The following NEDD1 variants were observed in gnomAD, a reference collection of about 807,000 sequenced individuals.
NEDD1 encodes protein NEDD1.
In NEDD1, 33 loss-of-function variants were observed where a neutral mutation model predicts 74.0. The observed-to-expected ratio is 0.45, with a 90% CI of 0.34 to 0.60. The LOEUF (loss-of-function observed/expected upper bound fraction) is 0.60, where lower values mean the gene tolerates loss of function less well. Among genes scored for constraint, NEDD1 ranks in the 20% least tolerant of loss-of-function variants. The pLI is 0.01. For synonymous variants in NEDD1, 250 were observed against 264.4 expected (o/e 0.95, Z 0.53); for missense variants, 746 against 776.5 (o/e 0.96, Z 0.47).
intron 6 of NEDD1, among the ~76,000 whole-genome samples, chr12:96,930,482 T>G (rs532031765): frequency 1.3e-5 from 2 of 152,230 alleles, no homozygotes; most frequent in Non-Finnish European, 2.9e-5. Context: ...AGGACCAAAT[T>G]GTGACAACAT....
At chr12:96,916,154 G>A (rs1286214262) in intron 4 of NEDD1, among the ~76,000 whole-genome samples, 2 of 151,708 alleles carry the variant, frequency 1.3e-5, no homozygotes, top group Non-Finnish European at 2.9e-5. Context: ...GATGAGGTAG[G>A]GCCCAAATAA....
At chr12:96,931,845 A>T (rs1209770442) in intron 6 of NEDD1, among the ~76,000 whole-genome samples, 1 of 152,084 alleles carries the variant, frequency 6.6e-6, no homozygotes, top group Non-Finnish European at 1.5e-5. Context: ...CCCCCTCAAA[A>T]TGTCAACCAC....
chr12:96,951,297 C>T (rs769877821), intron 14 of NEDD1, 135 bp from the exon 15 acceptor site: 24 of 506,330 alleles, frequency 4.7e-5, no homozygotes, highest in Non-Finnish European at 8.5e-5. Flanking sequence ...ATGCTCAGTG[C>T]ATTGGTATTT....
chr12:96,934,776 G>A (rs1006320803), intron 6 of NEDD1, among the ~76,000 whole-genome samples, 200 bp from the exon 7 acceptor site: 9 of 152,064 alleles, frequency 5.9e-5, no homozygotes, highest in African/African-American at 1.7e-4. Context: ...GACCTCAGAT[G>A]ATCCACCTGC....
chr12:96,930,205 ACACACACTCTCT>A (rs1280708267), intron 6 of NEDD1, among the ~76,000 whole-genome samples: 39 of 76,498 alleles, frequency 5.1e-4, no homozygotes, highest in African/African-American at 1.9e-3. Context: ...ACACACACAC[ACACACACTCTCT>A]CTCTCTCTCT....
chr12:96,947,705 G>A (rs1878330965), intron 14 of NEDD1, among the ~76,000 whole-genome samples: 1 of 152,198 alleles, frequency 6.6e-6, no homozygotes, highest in African/African-American at 2.4e-5. Flanking sequence ...TTTCTGCCCT[G>A]CTGCCAGCTT....
intron 4 of NEDD1, among the ~76,000 whole-genome samples, chr12:96,916,372 A>G (rs1174808118): frequency 7.0e-6 from 1 of 142,222 alleles, no homozygotes; most frequent in Non-Finnish European, 1.5e-5. Context: ...GTCATCTAGC[A>G]TTAGGTATAT....
At chr12:96,929,533 G>T (rs953586916) in intron 6 of NEDD1, among the ~76,000 whole-genome samples, 2 of 145,642 alleles carry the variant, frequency 1.4e-5, no homozygotes, top group Admixed American at 1.4e-4. Flanking sequence ...TAACTTCACA[G>T]AGCTCCCTAT....
chr12:96,949,159 C>G (rs1426316535), intron 14 of NEDD1, among the ~76,000 whole-genome samples: 1 of 152,174 alleles, frequency 6.6e-6, no homozygotes, highest in Non-Finnish European at 1.5e-5. Context: ...AGCACATACT[C>G]TAGAAGGAAA....
intron 13 of NEDD1, among the ~76,000 whole-genome samples, chr12:96,945,041 T>G (rs917820969): frequency 6.6e-6 from 1 of 151,824 alleles, no homozygotes. Context: ...GTGTCTTTAA[T>G]ATGGTAGAGA....
rs1437752713 is a variant in NEDD1, at chr12:96,953,698, ATGAAAT to A, written c.*1653_*1658del. On this transcript the variant is annotated 3_prime_UTR_variant, in exon 16 of 16. Coordinates refer to ENST00000266742, the MANE Select transcript of NEDD1 (RefSeq NM_152905.4). The stretch of plus-strand genomic sequence containing the variant: ...ATGTTATATGCAAAAAATAGGAAAC[ATGAAAT>A]TGAAATTTCATTGTTGGCCAAAATG... 1.3e-5 allele frequency: 2 copies of A among 151,938 alleles called. No homozygotes were observed. The highest frequency in any genetic ancestry group is 2.9e-5 in the Non-Finnish European group (2 of 67,836). The allele number at this position is 151,938 out of a possible 1,614,324, so 9.4% of individuals were successfully genotyped here.
intron 6 of NEDD1, among the ~76,000 whole-genome samples, chr12:96,929,516 G>A (rs1592895072): frequency 7.4e-6 from 1 of 134,618 alleles, no homozygotes; most frequent in Non-Finnish European, 1.6e-5. Flanking sequence ...GGTCAAAGTG[G>A]CTTTTCTAAC....
intron 14 of NEDD1, among the ~76,000 whole-genome samples, chr12:96,950,640 T>G (rs535950350): frequency 6.6e-6 from 1 of 151,912 alleles, no homozygotes; most frequent in Admixed American, 6.6e-5. Flanking sequence ...AATGAAAACA[T>G]TGACTACAGA....
intron 4 of NEDD1, among the ~76,000 whole-genome samples, chr12:96,915,740 T>G (rs985839315): frequency 6.6e-6 from 1 of 152,188 alleles, no homozygotes; most frequent in African/African-American, 2.4e-5. Context: ...TCAAAGATAC[T>G]CACTGAGAAG....
intron 6 of NEDD1, among the ~76,000 whole-genome samples, chr12:96,926,877 C>G (rs1875755350): frequency 6.6e-6 from 1 of 151,494 alleles, no homozygotes; most frequent in South Asian, 2.1e-4. Flanking sequence ...GTCCTAGCTA[C>G]TGAGGAGGCT....
At chr12:96,926,075 A>G in intron 6 of NEDD1, among the ~76,000 whole-genome samples, 1 of 152,064 alleles carries the variant, frequency 6.6e-6, no homozygotes, top group East Asian at 1.9e-4. Flanking sequence ...TGTGTTTATC[A>G]CATTGCCTAC....
intron 6 of NEDD1, chr12:96,924,846 G>T: frequency 2.2e-6 from 1 of 453,772 alleles, no homozygotes; most frequent in Non-Finnish European, 4.4e-6. Context: ...CTCCAATCCA[G>T]TGTTGAATAG....
Position 96,945,811 on chromosome 12 carries a change from T to C in NEDD1, c.1773T>C (p.Phe591=), listed in dbSNP as rs745557686. 11 of 1,612,430 alleles carry C rather than the reference T, an allele frequency of 6.8e-6. No individual in the cohort carries two copies. In the South Asian group the frequency reaches 1.2e-4, roughly 18 times the overall value. ...CATTGACTTCCATTCAAATTCGTTTTATTCAGAACATGATACAGGAAACGT... is the reference window on the plus strand; with the variant it reads ...CATTGACTTCCATTCAAATTCGTTTCATTCAGAACATGATACAGGAAACGT... The part of the protein sequence containing the change: ...NAPLTSIQIR[F]IQNMIQETLD... The change falls in exon 14 of 16, where the codon TTT becomes TTC. Residue 591 remains phenylalanine, a synonymous_variant. Coordinates refer to ENST00000266742, the MANE Select transcript of NEDD1 (RefSeq NM_152905.4).
rs150160326 is a variant in NEDD1, at chr12:96,943,607, A to T, written c.1342A>T (p.Asn448Tyr). 15 of 1,613,414 alleles carry T rather than the reference A, an allele frequency of 9.3e-6. No individual in the cohort carries two copies. Among genetic ancestry groups the T allele is most frequent in the Non-Finnish European group, 1.3e-5 (15 of 1,179,492 alleles). The part of the protein sequence containing the change: ...QLNSVFPPRK[N>Y]PVTSSTSVLH... ...GAACTCAGTGTTTCCTCCAAGAAAA[A>T]ATCCAGTAACTTCAAGTACTTCAGT... Residue 448 changes from asparagine (N) to tyrosine (Y), a missense_variant, in exon 12 of 16, where the codon AAT becomes TAT. Transcript: ENST00000266742.
Sources: allele counts gnomAD v4.1 joint callset (sites outside exome capture counted in the v4.1 genomes callset), GRCh38; gene constraint gnomAD v4.1.1; transcripts MANE v1.5; gene names NCBI Gene and HGNC (gene_info 2026-07-23, HGNC 2026-07-21).